CNTN5: variants seen among roughly 807,000 people sequenced by gnomAD.
CNTN5 encodes contactin 5.
In CNTN5, 77 loss-of-function variants were observed where a neutral mutation model predicts 129.1. The ratio of observed to expected loss-of-function variants is 0.60; its 90% CI spans 0.50 to 0.72. The LOEUF is 0.72. CNTN5 is among the 30% of genes least tolerant of loss of function. CNTN5 has a pLI of 0.00. For synonymous variants in CNTN5, 509 were observed against 465.6 expected (o/e 1.09, Z -1.20); for missense variants, 1,478 against 1,328.8 (o/e 1.11, Z -1.75).
At chr11:99,708,093 C>T (rs530196928) in intron 3 of CNTN5, among the ~76,000 whole-genome samples, 34 of 151,650 alleles carry the variant, frequency 2.2e-4, no homozygotes, top group African/African-American at 8.0e-4. Flanking sequence ...GAGGTCAAAC[C>T]TTAAAAGCCA....
chr11:99,830,547 C>A (rs1456203201), intron 4 of CNTN5, among the ~76,000 whole-genome samples: 2 of 152,084 alleles, frequency 1.3e-5, no homozygotes, highest in Non-Finnish European at 2.9e-5. Context: ...GAGACACAAG[C>A]ACAAAATGTG....
chr11:100,067,173 C>T (rs1943730504), intron 10 of CNTN5, among the ~76,000 whole-genome samples: 1 of 151,928 alleles, frequency 6.6e-6, no homozygotes, highest in Non-Finnish European at 1.5e-5. Flanking sequence ...GAAGGATAGC[C>T]ATTCATAAAT....
intron 11 of CNTN5, among the ~76,000 whole-genome samples, chr11:100,070,835 T>C (rs1387942149): frequency 6.6e-6 from 1 of 152,166 alleles, no homozygotes; most frequent in African/African-American, 2.4e-5. Flanking sequence ...CATTTTTTGG[T>C]AATACAGTGT....
chr11:100,156,612 G>C (rs1414054077), intron 13 of CNTN5, among the ~76,000 whole-genome samples: 1 of 151,990 alleles, frequency 6.6e-6, no homozygotes, highest in African/African-American at 2.4e-5. Flanking sequence ...GTAGAATTTG[G>C]CTGTGAATCT....
intron 1 of CNTN5, among the ~76,000 whole-genome samples, chr11:99,029,223 AT>A (rs111375006): frequency 0.063 from 9,392 of 148,024 alleles, 966 homozygotes; most frequent in African/African-American, 0.22. Flanking sequence ...CAAATATTCT[AT>A]TTTTTTTTTA....
intron 18 of CNTN5, among the ~76,000 whole-genome samples, chr11:100,287,607 G>A (rs376029582): frequency 0.021 from 3,141 of 151,200 alleles, 46 homozygotes; most frequent in Middle Eastern, 0.044. Context: ...CCTGAAGGAA[G>A]CACTAAACAT....
intron 13 of CNTN5, among the ~76,000 whole-genome samples, chr11:100,137,993 A>G (rs1946579248): frequency 6.6e-6 from 1 of 152,038 alleles, no homozygotes; most frequent in Non-Finnish European, 1.5e-5. Flanking sequence ...TAAAAAACTG[A>G]CTTGAGAGAT....
chr11:99,809,279 G>C (rs1262033307), intron 3 of CNTN5, among the ~76,000 whole-genome samples: 1 of 152,132 alleles, frequency 6.6e-6, no homozygotes, highest in Admixed American at 6.6e-5. Context: ...AGTTTTATCT[G>C]AGTGGCTCTG....
At chr11:100,259,583 A>G (rs1357560395) in intron 17 of CNTN5, among the ~76,000 whole-genome samples, 1 of 152,216 alleles carries the variant, frequency 6.6e-6, no homozygotes, top group Non-Finnish European at 1.5e-5. Flanking sequence ...AATGGAAGTA[A>G]TAACAAACAG....
At chr11:100,110,694 G>C (rs187928704) in intron 13 of CNTN5, among the ~76,000 whole-genome samples, 5 of 152,080 alleles carry the variant, frequency 3.3e-5, no homozygotes, top group Non-Finnish European at 2.9e-5. Context: ...TACCTTGAAG[G>C]GCTCTGTATT....
chr11:100,107,304 G>A (rs190309894), intron 13 of CNTN5, among the ~76,000 whole-genome samples: 230 of 151,882 alleles, frequency 1.5e-3, no homozygotes, highest in South Asian at 8.7e-3. Flanking sequence ...TCTGACAACC[G>A]GTTGATAAAT....
intron 21 of CNTN5, among the ~76,000 whole-genome samples, chr11:100,339,244 C>T (rs945606823): frequency 1.3e-5 from 2 of 152,056 alleles, no homozygotes; most frequent in African/African-American, 2.4e-5. Context: ...TACCTGCACT[C>T]GGTGGGTCCC....
At chr11:100,080,316 G>A (rs1213674060) in intron 13 of CNTN5, among the ~76,000 whole-genome samples, 1 of 149,314 alleles carries the variant, frequency 6.7e-6, no homozygotes, top group Non-Finnish European at 1.5e-5. Context: ...TCTTTTATGG[G>A]ACTGTAATCT....
At chr11:99,922,093 T>G (rs1949953380) in intron 7 of CNTN5, among the ~76,000 whole-genome samples, 1 of 152,132 alleles carries the variant, frequency 6.6e-6, no homozygotes, top group Non-Finnish European at 1.5e-5. Context: ...AAAAAGAGGT[T>G]TAATGGACTC....
chr11:99,205,303 G>A (rs543285676), intron 1 of CNTN5, among the ~76,000 whole-genome samples: 1 of 152,148 alleles, frequency 6.6e-6, no homozygotes, highest in South Asian at 2.1e-4. Flanking sequence ...TTTTATACCT[G>A]TTCTGATATA....
At chr11:99,303,277 G>C (rs1864724169) in intron 1 of CNTN5, among the ~76,000 whole-genome samples, 1 of 151,474 alleles carries the variant, frequency 6.6e-6, no homozygotes, top group African/African-American at 2.4e-5. Flanking sequence ...GAAATATCTG[G>C]TATGCTCATA....
At chr11:99,078,882 C>A (rs888000711) in intron 1 of CNTN5, among the ~76,000 whole-genome samples, 3 of 151,550 alleles carry the variant, frequency 2.0e-5, no homozygotes, top group Admixed American at 6.6e-5. Flanking sequence ...TTTAATAGCA[C>A]AACAGGGTGA....
At chr11:100,293,492 T>C (rs567843221) in intron 18 of CNTN5, among the ~76,000 whole-genome samples, 2 of 151,916 alleles carry the variant, frequency 1.3e-5, no homozygotes, top group South Asian at 4.1e-4. Context: ...ACGATGAACT[T>C]TCAGCACTTC....
At chr11:100,346,032 G>C (rs894968701) in intron 23 of CNTN5, among the ~76,000 whole-genome samples, 3 of 152,046 alleles carry the variant, frequency 2.0e-5, no homozygotes, top group Non-Finnish European at 4.4e-5. Context: ...ATAAACATGT[G>C]CCACTTTATT....
Sources: gnomAD v4.1 joint callset for allele counts (sites outside exome capture counted in the v4.1 genomes callset) on GRCh38, gnomAD v4.1.1 for gene constraint, MANE v1.5 for transcripts, NCBI Gene and HGNC (gene_info 2026-07-23, HGNC 2026-07-21) for gene names.